GZMM: variants seen among roughly 807,000 people sequenced by gnomAD.
GZMM encodes granzyme M.
GZMM carries 23 observed loss-of-function variants against 19.2 expected under a neutral mutation model. The ratio of observed to expected loss-of-function variants is 1.20; its 90% CI spans 0.86 to 1.69. The LOEUF (loss-of-function observed/expected upper bound fraction) is 1.69. Among genes scored for constraint, GZMM ranks in the 40% most tolerant of loss-of-function variants. The pLI is 0.00. For synonymous variants in GZMM, 178 were observed against 160.2 expected, an observed-to-expected ratio of 1.11 and a Z score of -0.84; for missense variants, 373 against 352.2, an observed-to-expected ratio of 1.06 and a Z score of -0.47.
At chr19:545,099 A>ATCCCTCCTTCCTCCGTCCCTTTG (rs370859891) in intron 1 of GZMM, among the ~76,000 whole-genome samples, 2,872 of 141,342 alleles carry the variant, frequency 0.02, 156 homozygotes, top group African/African-American at 0.074. Context: ...TCCTCCTTCC[A>ATCCCTCCTTCCTCCGTCCCTTTG]TCCCTCCTTC....
intron 2 of GZMM, among the ~76,000 whole-genome samples, chr19:548,137 C>G (rs1038787773): frequency 3.3e-5 from 5 of 152,198 alleles, no homozygotes; most frequent in African/African-American, 1.2e-4. Context: ...TCCTCAGTCC[C>G]ATGGAAAGAG....
chr19:547,501 C>A, intron 2 of GZMM, 65 bp downstream of exon 2: 1 of 1,215,428 alleles, frequency 8.2e-7, no homozygotes, highest in Non-Finnish European at 1.1e-6. Context: ...CCATTCTCTG[C>A]AGGGGGTGGG....
chr19:544,994 C>T (rs371951216), intron 1 of GZMM, among the ~76,000 whole-genome samples: 1 of 151,620 alleles, frequency 6.6e-6, no homozygotes, highest in Non-Finnish European at 1.5e-5. Flanking sequence ...TCATCCTTCC[C>T]TCCCTCCTTC....
intron 1 of GZMM, among the ~76,000 whole-genome samples, chr19:544,736 C>T (rs1473427274): frequency 1.8e-5 from 2 of 114,182 alleles, no homozygotes; most frequent in Non-Finnish European, 3.8e-5. Context: ...CTCCCTCCCT[C>T]ATCTCCCCTT....
intron 1 of GZMM, among the ~76,000 whole-genome samples, chr19:544,979 A>C (rs1600437860): frequency 5.5e-5 from 7 of 127,110 alleles, no homozygotes; most frequent in Admixed American, 7.8e-5. Flanking sequence ...CCTTCCCTCC[A>C]CCCGTCATCC....
At chr19:545,891 C>T (rs1980262114) in intron 1 of GZMM, among the ~76,000 whole-genome samples, 2 of 151,966 alleles carry the variant, frequency 1.3e-5, no homozygotes, top group Non-Finnish European at 2.9e-5. Flanking sequence ...GATCCACCTG[C>T]CTCGGCCTCC....
chr19:546,540 C>CAA (rs35147201), intron 1 of GZMM, among the ~76,000 whole-genome samples: 2,730 of 106,746 alleles, frequency 0.026, 158 homozygotes, highest in African/African-American at 0.083. Flanking sequence ...GACTCCATCT[C>CAA]AAAAAAAAAA....
Position 548,943 on chromosome 19 carries a change from A to C in GZMM, c.370A>C (p.Ser124Arg). ...GTAGCTGGACGGGAAAGTGAAGCCC[A>C]GCCGGACCATCCGGCCGTTGGCCCT... Reference protein sequence around the residue: ...LLQLDGKVKPSRTIRPLALPS... With the variant: ...LLQLDGKVKPRRTIRPLALPS... Residue 124 changes from serine to arginine, a missense_variant, in exon 4 of 5, where the codon AGC becomes CGC. Transcript: ENST00000264553. The C allele has an allele frequency of 6.4e-7, 1 of 1,557,998 alleles. No homozygotes were observed. The highest frequency in any genetic ancestry group is 8.7e-7 in the Non-Finnish European group (1 of 1,147,946).
At chr19:548,890 C>G (rs918643507) in intron 3 of GZMM, 32 bp from the exon 4 acceptor site, 1 of 1,487,622 alleles carries the variant, frequency 6.7e-7, no homozygotes, top group Admixed American at 2.2e-5. Flanking sequence ...ACCCCCTCCC[C>G]CTGCTCACCT....
At chr19:544,994 C>A in intron 1 of GZMM, among the ~76,000 whole-genome samples, 1 of 151,620 alleles carries the variant, frequency 6.6e-6, no homozygotes, top group Non-Finnish European at 1.5e-5. Context: ...TCATCCTTCC[C>A]TCCCTCCTTC....
intron 2 of GZMM, 29 bp downstream of exon 2, chr19:547,465 G>A (rs778751059): frequency 1.5e-6 from 2 of 1,351,188 alleles, no homozygotes; most frequent in Admixed American, 5.9e-5. Context: ...CCACCCCAGG[G>A]GTCCGGGGAA....
rs962610648 is a variant in GZMM, at chr19:548,623, G to T, written c.294G>T (p.Gln98His). 1.7e-5 allele frequency: 28 copies of T among 1,613,472 alleles called. No homozygotes were observed. The Admixed American group carries it at 2.5e-4, about 14-fold the overall frequency. Reference sequence around the variant, plus strand: ...CCTTCCACATCAAGGCAGCCATCCAGCACCCTCGCTACAAGCCCGTCCCTG... The same window carrying T: ...CCTTCCACATCAAGGCAGCCATCCATCACCCTCGCTACAAGCCCGTCCCTG... ...GLTFHIKAAI[Q>H]HPRYKPVPAL... Residue 98 changes from glutamine (Q) to histidine (H), a missense_variant, in exon 3 of 5, where the codon CAG becomes CAT. Transcript: ENST00000264553.
At position 547,394 on chromosome 19, in the gene GZMM, A is replaced by G; in HGVS notation, c.170A>G (p.His57Arg). The G allele has an allele frequency of 6.6e-7, 1 of 1,522,902 alleles. No individual in the cohort carries two copies. Among genetic ancestry groups the G allele is most frequent in the South Asian group, 1.2e-5 (1 of 80,406 alleles). The allele number at this position is 1,522,902 out of a possible 1,614,324, so 94.3% of individuals were successfully genotyped here. A position where few individuals can be genotyped will look rare whatever the true frequency, so the allele number is the denominator to read the frequency against. ...GSHLCGGVLV[H>R]PKWVLTAAHC... is the part of the protein sequence containing the mutation. ...CACCTGTGCGGGGGTGTCCTGGTGC[A>G]CCCAAAGTGGGTGCTGACGGCTGCC... The change falls in exon 2 of 5, where the codon CAC (histidine) becomes CGC (arginine). Residue 57 changes from histidine (H) to arginine (R), a missense_variant. Physicochemically the swap from His to Arg is conservative, Grantham distance 29. Transcript: ENST00000264553.
At position 548,616 on chromosome 19, in the gene GZMM, C is replaced by A; in HGVS notation, c.287C>A (p.Ala96Asp). 6.2e-7 allele frequency: 1 copy of A among 1,613,580 alleles called. No individual in the cohort carries two copies. Residue 96 changes from alanine to aspartate, a missense_variant, in exon 3 of 5, where the codon GCC becomes GAC. Coordinates refer to ENST00000264553, the MANE Select transcript of GZMM (RefSeq NM_005317.4). Reference protein sequence around the residue: ...SPGLTFHIKAAIQHPRYKPVP... With the variant: ...SPGLTFHIKADIQHPRYKPVP... ...GGTCTCACCTTCCACATCAAGGCAG[C>A]CATCCAGCACCCTCGCTACAAGCCC...
At chr19:548,051 C>T (rs2070801) in intron 2 of GZMM, among the ~76,000 whole-genome samples, 94,097 of 152,048 alleles carry the variant, frequency 0.62, 31,297 homozygotes, top group Non-Finnish European at 0.75. Context: ...TCACAGGAGG[C>T]GCTGTGGAGC....
intron 4 of GZMM, 35 bp downstream of exon 4, chr19:549,220 G>A (rs1980420002): frequency 1.7e-5 from 26 of 1,537,668 alleles, no homozygotes; most frequent in Non-Finnish European, 2.2e-5. Flanking sequence ...GGGGAATGAG[G>A]CTGGCGGGAG....
Position 549,015 on chromosome 19 carries a change from G to A in GZMM, c.442G>A (p.Ala148Thr). The change falls in exon 4 of 5, where the codon GCC becomes ACC. Residue 148 changes from alanine to threonine, a missense_variant. Ala to Thr is a moderately conservative substitution (Grantham distance 58). Transcript: ENST00000264553. ...VVAAGTRCSM[A>T]GWGLTHQGGR... ...GGCAGCAGGGACTCGGTGCAGCATG[G>A]CCGGCTGGGGGCTGACCCACCAGGG... 1 of 1,602,994 alleles carries A rather than the reference G, an allele frequency of 6.2e-7. No individual in the cohort carries two copies. The highest frequency in any genetic ancestry group is 1.1e-5 in the South Asian group (1 of 88,874).
Position 549,179 on chromosome 19 carries a change from C to G in GZMM, c.606C>G (p.Pro202=). ...CLAADSKDQA[P]CKGDSGGPLV... ...CGGCCGACTCCAAGGACCAGGCTCC[C>G]TGCAAGGTGAGGGGCGCCCGGGTGG... Residue 202 remains proline (P), a synonymous_variant, in exon 4 of 5, where the codon CCC becomes CCG. Coordinates refer to ENST00000264553, the MANE Select transcript of GZMM (RefSeq NM_005317.4). 1 of 1,571,326 alleles carries G rather than the reference C, an allele frequency of 6.4e-7. No individual in the cohort carries two copies. The highest frequency in any genetic ancestry group is 8.6e-7 in the Non-Finnish European group (1 of 1,158,520).
At chr19:546,847 GA>G (rs748782435) in intron 1 of GZMM, among the ~76,000 whole-genome samples, 8 of 61,736 alleles carry the variant, frequency 1.3e-4, no homozygotes, top group Non-Finnish European at 1.1e-4. Context: ...CAAAAAAAAA[GA>G]AAAAAAAAGT....
Sources: gnomAD v4.1 joint callset for allele counts (sites outside exome capture counted in the v4.1 genomes callset) on GRCh38, gnomAD v4.1.1 for gene constraint, MANE v1.5 for transcripts, NCBI Gene and HGNC (gene_info 2026-07-23, HGNC 2026-07-21) for gene names.